TBC1D13: variants seen among roughly 807,000 people sequenced by gnomAD.
TBC1D13 encodes the protein TBC1 domain family member 13.
In TBC1D13, 40 loss-of-function variants were observed where a neutral mutation model predicts 53.6. The observed-to-expected ratio is 0.75, with a 90% CI of 0.58 to 0.97. TBC1D13 has a LOEUF of 0.97. Among genes scored for constraint, TBC1D13 ranks in the 50% least tolerant of loss-of-function variants. The pLI, the probability that TBC1D13 is intolerant of heterozygous loss-of-function variation, is 0.00. For missense variants in TBC1D13, 377 were observed against 499.4 expected (o/e 0.75, Z 2.34); for synonymous variants, 182 against 197.7 (o/e 0.92, Z 0.67).
chr9:128,807,094 T>G (rs60970957), intron 11 of TBC1D13, among the ~76,000 whole-genome samples: 4,024 of 150,052 alleles, frequency 0.027, 157 homozygotes, highest in African/African-American at 0.081. Flanking sequence ...TGTTGTTGTT[T>G]TTTTTTTTTT....
At chr9:128,796,381 C>G (rs1829631661) in intron 6 of TBC1D13, among the ~76,000 whole-genome samples, 1 of 152,092 alleles carries the variant, frequency 6.6e-6, no homozygotes, top group African/African-American at 2.4e-5. Context: ...TCCTGAGTAG[C>G]TGGGATTACA....
chr9:128,795,033 C>G (rs1432883783), intron 6 of TBC1D13, among the ~76,000 whole-genome samples: 1 of 151,124 alleles, frequency 6.6e-6, no homozygotes, highest in Non-Finnish European at 1.5e-5. Flanking sequence ...ACAAACCACC[C>G]TGTGTTTGTG....
intron 7 of TBC1D13, among the ~76,000 whole-genome samples, chr9:128,798,858 T>C (rs1398889438): frequency 2.0e-5 from 3 of 152,146 alleles, no homozygotes; most frequent in Non-Finnish European, 2.9e-5. Flanking sequence ...GGGGAATGAC[T>C]TTGTTTTTTG....
chr9:128,795,106 A>C (rs1829603810), intron 6 of TBC1D13, among the ~76,000 whole-genome samples: 1 of 150,994 alleles, frequency 6.6e-6, no homozygotes, highest in Non-Finnish European at 1.5e-5. Context: ...GCTGGACTGG[A>C]GTACAGTGGC....
intron 7 of TBC1D13, among the ~76,000 whole-genome samples, chr9:128,800,449 C>T (rs1475264260): frequency 1.4e-5 from 2 of 147,372 alleles, no homozygotes; most frequent in Non-Finnish European, 3.0e-5. Flanking sequence ...TGGCGCTCTG[C>T]AACCTCTGCC....
chr9:128,792,381 C>A, intron 5 of TBC1D13, 111 bp from the exon 6 acceptor site: 2 of 858,654 alleles, frequency 2.3e-6, no homozygotes, highest in South Asian at 1.6e-5. Context: ...GACCACACCT[C>A]AGTGTGCAGT....
intron 8 of TBC1D13, 146 bp from the exon 9 acceptor site, chr9:128,803,810 G>A: frequency 1.0e-6 from 1 of 990,982 alleles, no homozygotes; most frequent in Non-Finnish European, 1.5e-6. Flanking sequence ...TGGGGGTGGA[G>A]AGGGGTCAAG....
At chr9:128,787,843 T>A (rs1225496165) in intron 1 of TBC1D13, among the ~76,000 whole-genome samples, 4 of 152,116 alleles carry the variant, frequency 2.6e-5, no homozygotes, top group African/African-American at 9.7e-5. Context: ...TCAGGACGTG[T>A]TTTTTAAACC....
At chr9:128,788,012 G>A (rs977286437) in intron 1 of TBC1D13, among the ~76,000 whole-genome samples, 1 of 152,174 alleles carries the variant, frequency 6.6e-6, no homozygotes, top group Non-Finnish European at 1.5e-5. Context: ...GAAGTGCCCA[G>A]TAAATGTCAG....
chr9:128,801,947 G>A (rs1291699784), intron 7 of TBC1D13, among the ~76,000 whole-genome samples: 1 of 148,730 alleles, frequency 6.7e-6, no homozygotes, highest in Non-Finnish European at 1.5e-5. Context: ...ATTTTTGGTA[G>A]AGACAGGGTT....
At chr9:128,792,222 G>A (rs1032511557) in intron 5 of TBC1D13, among the ~76,000 whole-genome samples, 2 of 152,204 alleles carry the variant, frequency 1.3e-5, no homozygotes, top group Admixed American at 6.5e-5. Flanking sequence ...CTAGAGCAAC[G>A]GACAGAAAAG....
intron 6 of TBC1D13, among the ~76,000 whole-genome samples, chr9:128,793,497 C>T (rs1001731044): frequency 2.6e-5 from 4 of 152,222 alleles, no homozygotes; most frequent in Admixed American, 6.5e-5. Context: ...TTCCATTCCG[C>T]ATTTACCAGT....
At position 128,792,206 on chromosome 9, in the gene TBC1D13, C is replaced by G. The variant is rs147503041; in HGVS notation, c.301-286C>G. ...CTGAGCACCTGTTATATGCAAAGTT[C>G]TTGAGCTAGAGCAACGGACAGAAAA... On this transcript the variant is annotated intron_variant, in intron 5 of 11. Coordinates refer to ENST00000372648, the MANE Select transcript of TBC1D13 (RefSeq NM_018201.5). Among the ~76,000 whole-genome samples the G allele has an allele frequency of 7.7e-3, 1,174 of 152,348 alleles. 12 individuals carry two copies. Among genetic ancestry groups the G allele is most frequent in the Middle Eastern group, 0.024 (7 of 294 alleles).
At position 128,808,641 on chromosome 9, in the gene TBC1D13, C is replaced by T. The variant is rs1220574851; in HGVS notation, c.*762C>T. ...CCTTATCCTGAGCCACCTCCTCTCC[C>T]CGCTTGCCTCTGCTCCCCTGAACCT... On this transcript the variant is annotated 3_prime_UTR_variant, in exon 12 of 12. Coordinates refer to ENST00000372648, the MANE Select transcript of TBC1D13 (RefSeq NM_018201.5). 1.3e-5 allele frequency: 2 copies of T among 152,664 alleles called. No homozygotes were observed. Among genetic ancestry groups the T allele is most frequent in the East Asian group, 3.9e-4 (2 of 5,182 alleles). The allele number at this position is 152,664 out of a possible 1,614,324, so 9.5% of individuals were successfully genotyped here.
At chr9:128,794,136 C>T (rs1254612812) in intron 6 of TBC1D13, among the ~76,000 whole-genome samples, 4 of 152,178 alleles carry the variant, frequency 2.6e-5, no homozygotes, top group Admixed American at 2.0e-4. Flanking sequence ...AGGCAGCAAG[C>T]TGGGTGGAAG....
chr9:128,789,787 T>A, intron 2 of TBC1D13: 1 of 45,932 alleles, frequency 2.2e-5, no homozygotes, highest in African/African-American at 8.2e-5. Flanking sequence ...GTTAAGAAAA[T>A]ACACCATATA....
chr9:128,797,350 G>C (rs1004793680), intron 7 of TBC1D13, 136 bp downstream of exon 7: 7 of 930,330 alleles, frequency 7.5e-6, no homozygotes, highest in Non-Finnish European at 1.1e-5. Context: ...GATGCTGCCA[G>C]ATCCTGGGGT....
chr9:128,794,579 G>A (rs1342811038), intron 6 of TBC1D13, among the ~76,000 whole-genome samples: 2 of 149,514 alleles, frequency 1.3e-5, no homozygotes, highest in Admixed American at 6.7e-5. Context: ...GGGTTCAAGC[G>A]ATTCTCCTGC....
At position 128,808,018 on chromosome 9, in the gene TBC1D13, G is replaced by A. The variant is rs1361734337; in HGVS notation, c.*139G>A. On this transcript the variant is annotated 3_prime_UTR_variant, in exon 12 of 12. Transcript: ENST00000372648. ...CCCGAGACCCAGGCCATGCCCACTG[G>A]GGACACACTGTGCCGTGCTCCTTCT... is the stretch of plus-strand genomic sequence containing the variant. 64 of 757,084 alleles carry A rather than the reference G, an allele frequency of 8.5e-5. 2 individuals are homozygous for A. In the South Asian group the frequency reaches 9.3e-4, roughly 11 times the overall value. 46.9% of individuals were successfully genotyped at this position (757,084 alleles called of 1,614,324 possible).
Sources: allele counts gnomAD v4.1 joint callset (sites outside exome capture counted in the v4.1 genomes callset), GRCh38; gene constraint gnomAD v4.1.1; transcripts MANE v1.5; gene names NCBI Gene and HGNC (gene_info 2026-07-23, HGNC 2026-07-21).